GPM6A: variants seen among roughly 807,000 people sequenced by gnomAD.
The protein encoded by GPM6A is neuronal membrane glycoprotein M6-a.
GPM6A carries 7 observed loss-of-function variants against 32.1 expected under a neutral mutation model. The observed-to-expected ratio is 0.22, with a 90% CI of 0.12 to 0.41. The LOEUF is 0.41. Among genes scored for constraint, GPM6A ranks in the 10% least tolerant of loss-of-function variants. GPM6A has a pLI of 1.00. For synonymous variants in GPM6A, 130 were observed against 123.4 expected (o/e 1.05, Z -0.35); for missense variants, 235 against 347.2 (o/e 0.68, Z 2.57).
intron 1 of GPM6A, among the ~76,000 whole-genome samples, chr4:175,945,487 C>T (rs1739563475): frequency 6.6e-6 from 1 of 151,798 alleles, no homozygotes; most frequent in Non-Finnish European, 1.5e-5. Context: ...GTAAATAATA[C>T]ACACCCATAT....
chr4:175,658,338 G>A (rs1181225526), intron 3 of GPM6A, among the ~76,000 whole-genome samples: 1 of 151,844 alleles, frequency 6.6e-6, no homozygotes, highest in Non-Finnish European at 1.5e-5. Context: ...TTCACTTACT[G>A]TGTAGTTTCA....
At chr4:175,665,740 C>T (rs1424316215) in intron 3 of GPM6A, among the ~76,000 whole-genome samples, 2 of 151,000 alleles carry the variant, frequency 1.3e-5, no homozygotes, top group Non-Finnish European at 2.9e-5. Context: ...AGAGATCATG[C>T]CACTGCACTC....
chr4:175,864,523 A>G (rs1736671698), intron 1 of GPM6A, among the ~76,000 whole-genome samples: 1 of 152,122 alleles, frequency 6.6e-6, no homozygotes, highest in Admixed American at 6.6e-5. Context: ...GATGGGTTGT[A>G]AGGGTTCTTC....
At chr4:175,860,056 A>G (rs112994521) in intron 1 of GPM6A, among the ~76,000 whole-genome samples, 3,781 of 152,160 alleles carry the variant, frequency 0.025, 141 homozygotes, top group African/African-American at 0.084. Context: ...GAGTGCTTAG[A>G]GGGAAATTTC....
At chr4:175,848,365 GAC>G (rs1192469330) in intron 1 of GPM6A, among the ~76,000 whole-genome samples, 1 of 152,032 alleles carries the variant, frequency 6.6e-6, no homozygotes, top group African/African-American at 2.4e-5. Context: ...TTCCTTCTGG[GAC>G]TCATCAGATG....
intron 1 of GPM6A, chr4:175,972,034 A>G (rs1740518846): frequency 6.6e-6 from 1 of 152,178 alleles, no homozygotes; most frequent in Non-Finnish European, 1.5e-5. Context: ...GAAGAGAGTC[A>G]CGTGCAGTGT....
At chr4:175,799,191 C>T (rs1256297813) in intron 1 of GPM6A, among the ~76,000 whole-genome samples, 1 of 152,154 alleles carries the variant, frequency 6.6e-6, no homozygotes, top group African/African-American at 2.4e-5. Flanking sequence ...CACAATCTCC[C>T]TTTGCTCATC....
intron 1 of GPM6A, chr4:175,800,856 C>CTT (rs1343929224): frequency 1.0e-5 from 2 of 197,652 alleles, no homozygotes; most frequent in Non-Finnish European, 2.3e-5. Context: ...CTTGCAGGCT[C>CTT]TGAGACTCCA....
intron 1 of GPM6A, among the ~76,000 whole-genome samples, chr4:175,780,381 A>G (rs17659383): frequency 0.02 from 3,071 of 152,212 alleles, 54 homozygotes; most frequent in Non-Finnish European, 0.031. Context: ...ACTTGCATGA[A>G]CTTCTGATTT....
At chr4:175,849,554 A>G (rs2111399396) in intron 1 of GPM6A, among the ~76,000 whole-genome samples, 1 of 152,316 alleles carries the variant, frequency 6.6e-6, no homozygotes, top group South Asian at 2.1e-4. Context: ...CTGCAGCATA[A>G]TCTAGACTGC....
intron 1 of GPM6A, among the ~76,000 whole-genome samples, chr4:175,723,653 A>G (rs1746256890): frequency 6.6e-6 from 1 of 152,146 alleles, no homozygotes; most frequent in South Asian, 2.1e-4. Flanking sequence ...ACAATATGGA[A>G]TGGAATGTTC....
intron 1 of GPM6A, among the ~76,000 whole-genome samples, chr4:175,988,594 A>C (rs1382125105): frequency 6.6e-6 from 1 of 152,216 alleles, no homozygotes; most frequent in East Asian, 1.9e-4. Flanking sequence ...GCCACTGAAA[A>C]GGAACTGGCT....
At chr4:175,666,510 A>G (rs998188861) in intron 3 of GPM6A, among the ~76,000 whole-genome samples, 2 of 152,216 alleles carry the variant, frequency 1.3e-5, no homozygotes, top group Non-Finnish European at 2.9e-5. Flanking sequence ...ATATCTTTGC[A>G]TAAAGATTTT....
chr4:175,721,250 C>T (rs1019725347), intron 1 of GPM6A, among the ~76,000 whole-genome samples: 2 of 150,164 alleles, frequency 1.3e-5, no homozygotes, highest in Non-Finnish European at 3.0e-5. Context: ...CCAAAGTGGG[C>T]GGATCATCTG....
intron 1 of GPM6A, among the ~76,000 whole-genome samples, chr4:175,938,401 C>T (rs537114578): frequency 1.1e-4 from 17 of 152,270 alleles, no homozygotes; most frequent in South Asian, 4.1e-4. Flanking sequence ...TCTCCACAGC[C>T]GCGCCAGCAT....
At chr4:175,734,431 G>C (rs1370135942) in intron 1 of GPM6A, among the ~76,000 whole-genome samples, 1 of 152,122 alleles carries the variant, frequency 6.6e-6, no homozygotes, top group African/African-American at 2.4e-5. Flanking sequence ...GCCACAATGA[G>C]TAGTGAACAA....
chr4:175,640,859 A>T, intron 4 of GPM6A, 30 bp from the exon 5 acceptor site: 1 of 1,428,848 alleles, frequency 7.0e-7, no homozygotes, highest in Non-Finnish European at 9.9e-7. Flanking sequence ...ACAGTTTAGC[A>T]GTATAAATGT....
At chr4:175,820,272 TAAAG>T (rs1204595969) in intron 1 of GPM6A, among the ~76,000 whole-genome samples, 2 of 152,092 alleles carry the variant, frequency 1.3e-5, no homozygotes, top group African/African-American at 2.4e-5. Context: ...ACATAGAAAA[TAAAG>T]TATAAAGTCG....
intron 1 of GPM6A, among the ~76,000 whole-genome samples, chr4:175,731,269 C>T (rs192684577): frequency 1.2e-3 from 176 of 152,128 alleles, no homozygotes; most frequent in Non-Finnish European, 1.6e-3. Flanking sequence ...TCCTTGAGGT[C>T]CTCCCTGATG....
Sources: allele counts gnomAD v4.1 joint callset (sites outside exome capture counted in the v4.1 genomes callset), GRCh38; gene constraint gnomAD v4.1.1; transcripts MANE v1.5; gene names NCBI Gene and HGNC (gene_info 2026-07-23, HGNC 2026-07-21).